GPHN: variants seen among roughly 807,000 people sequenced by gnomAD.
GPHN encodes gephyrin.
Under a neutral mutation model 95.5 loss-of-function variants are expected in GPHN, and 17 were observed. The ratio of observed to expected loss-of-function variants is 0.18; its 90% CI spans 0.12 to 0.27. The LOEUF is 0.27. GPHN is among the 10% of genes least tolerant of loss of function. The pLI is 1.00. For missense variants in GPHN, 660 were observed against 978.1 expected, an observed-to-expected ratio of 0.67 and a Z score of 4.34; for synonymous variants, 320 against 322.5, an observed-to-expected ratio of 0.99 and a Z score of 0.08.
chr14:67,533,264 C>T, the GPHN span: 1 of 152,058 alleles, frequency 6.6e-6, no homozygotes, highest in Non-Finnish European at 1.5e-5. Context: ...CAGCCCACGA[C>T]CCCTGCTGCC....
At chr14:67,185,091 A>T (rs117369714), downstream of GPHN, among the ~76,000 whole-genome samples, 36 of 152,376 alleles carry the variant, frequency 2.4e-4, no homozygotes, top group East Asian at 6.9e-3. Flanking sequence ...CAAAAGCCAG[A>T]TTACAAAATA....
the GPHN span, among the ~76,000 whole-genome samples, chr14:67,308,234 TAA>T: frequency 2.9e-5 from 4 of 138,874 alleles, no homozygotes; most frequent in Non-Finnish European, 3.2e-5. Flanking sequence ...CTTAACAGTT[TAA>T]AAAAAAAAAA....
chr14:67,519,731 C>G, the GPHN span, among the ~76,000 whole-genome samples: 1 of 128,420 alleles, frequency 7.8e-6, no homozygotes, highest in Non-Finnish European at 1.7e-5. Context: ...TTTTTTTTTA[C>G]TTTTTTTTTG....
chr14:67,592,148 C>T, the GPHN span: 1 of 185,084 alleles, frequency 5.4e-6, no homozygotes, highest in Non-Finnish European at 1.2e-5. Context: ...TTAAAATGTG[C>T]ATGAGGCCAG....
intron 1 of GPHN, among the ~76,000 whole-genome samples, chr14:66,657,224 T>C (rs1251822930): frequency 1.3e-5 from 2 of 152,234 alleles, no homozygotes; most frequent in Non-Finnish European, 1.5e-5. Context: ...CCGAATTCTC[T>C]TCAGCCCTAC....
At chr14:67,239,027 AT>A in the GPHN span, among the ~76,000 whole-genome samples, 1 of 152,200 alleles carries the variant, frequency 6.6e-6, no homozygotes, top group Non-Finnish European at 1.5e-5. Context: ...AATTTCACAT[AT>A]TTTGAGATAA....
the GPHN span, chr14:67,474,051 A>C: frequency 8.1e-7 from 1 of 1,233,586 alleles, no homozygotes; most frequent in Non-Finnish European, 1.1e-6. Flanking sequence ...CAGGAGTTCC[A>C]AACCAGCCTG....
intron 2 of GPHN, among the ~76,000 whole-genome samples, chr14:66,749,715 T>C (rs138058988): frequency 3.4e-3 from 522 of 152,100 alleles, no homozygotes; most frequent in African/African-American, 0.012. Flanking sequence ...TGTTGAGTTT[T>C]AAAATCTCTT....
At chr14:67,565,893 G>A in the GPHN span, among the ~76,000 whole-genome samples, 3 of 152,300 alleles carry the variant, frequency 2.0e-5, no homozygotes, top group Admixed American at 6.5e-5. Context: ...GCTGAGGCAG[G>A]CAGATCACTT....
At chr14:67,256,713 A>G in the GPHN span, among the ~76,000 whole-genome samples, 1 of 151,878 alleles carries the variant, frequency 6.6e-6, no homozygotes, top group African/African-American at 2.4e-5. Flanking sequence ...ACACCTGACT[A>G]ATTTTTGTAT....
chr14:67,579,963 CTGTT>C, the GPHN span: 71 of 1,276,244 alleles, frequency 5.6e-5, no homozygotes, highest in South Asian at 8.5e-4. Context: ...GGGTGTCTGA[CTGTT>C]TGGTAGCTCA....
chr14:67,279,692 CTA>C, the GPHN span: 8 of 638,868 alleles, frequency 1.3e-5, no homozygotes, highest in Non-Finnish European at 2.0e-5. Flanking sequence ...CGCCGTATAA[CTA>C]TTGTTTACTG....
rs1275902353 is a variant in GPHN at position 66,803,673 on chromosome 14, TTA to T, written c.202-20797_202-20796del. On this transcript the variant is annotated intron_variant, in intron 3 of 22. Coordinates refer to ENST00000478722, the MANE Select transcript of GPHN (RefSeq NM_020806.5). ...TGTGTCCCACATGTTTTGTGGCTTT[TTA>T]TATTTTTCCTCTTTCTTTTTTCTTG... Among the ~76,000 whole-genome samples the T allele has an allele frequency of 2.0e-5, 3 of 152,294 alleles. No homozygotes were observed. The East Asian group carries it at 5.8e-4, about 29-fold the overall frequency.
chr14:67,181,430 AGACT>A lies in GPHN; in HGVS notation c.*499_*502del, dbSNP rs2083314573. 5.9e-6 allele frequency: 3 copies of A among 508,806 alleles called. No individual in the cohort carries two copies. The highest frequency in any genetic ancestry group is 1.9e-5 in the African/African-American group (1 of 52,294). The allele number at this position is 508,806 out of a possible 1,614,324, so 31.5% of individuals were successfully genotyped here. A position where few individuals can be genotyped will look rare whatever the true frequency, so the allele number is the denominator to read the frequency against. On this transcript the variant is annotated 3_prime_UTR_variant, in exon 23 of 23. Transcript: ENST00000478722. ...TGTTTATGTGCACAGTGCCAAAAGA[AGACT>A]GACTGGGTGGAGGCTCTGCCTTGCC...
intron 11 of GPHN, among the ~76,000 whole-genome samples, chr14:67,076,825 T>G (rs1176460393): frequency 6.6e-6 from 1 of 151,922 alleles, no homozygotes; most frequent in East Asian, 1.9e-4. Context: ...TTCAGCATTC[T>G]ATTACCTACC....
the GPHN span, chr14:67,279,651 TC>T: frequency 9.5e-7 from 1 of 1,052,040 alleles, no homozygotes; most frequent in Non-Finnish European, 1.3e-6. Flanking sequence ...CAGTTTGAAT[TC>T]CAGACCAAGA....
intron 12 of GPHN, among the ~76,000 whole-genome samples, chr14:67,092,312 T>C (rs935126364): frequency 3.3e-5 from 5 of 152,092 alleles, no homozygotes; most frequent in Admixed American, 6.6e-5. Context: ...GTAAAGAATA[T>C]CCTTGAGGCC....
At chr14:67,282,275 C>T in the GPHN span, among the ~76,000 whole-genome samples, 6 of 152,230 alleles carry the variant, frequency 3.9e-5, no homozygotes, top group South Asian at 1.2e-3. Flanking sequence ...GTGTGTGTCT[C>T]CTGGCTAGTA....
intron 12 of GPHN, among the ~76,000 whole-genome samples, chr14:67,092,092 G>A (rs1364726895): frequency 6.6e-6 from 1 of 152,078 alleles, no homozygotes; most frequent in Non-Finnish European, 1.5e-5. Context: ...AAAGTCTTCT[G>A]TAGACAAGTG....
Sources: allele counts gnomAD v4.1 joint callset (sites outside exome capture counted in the v4.1 genomes callset), GRCh38; gene constraint gnomAD v4.1.1; transcripts MANE v1.5; gene names NCBI Gene and HGNC (gene_info 2026-07-23, HGNC 2026-07-21).